The following PRKD1 variants were observed in gnomAD, a reference collection of about 807,000 sequenced individuals.
PRKD1 encodes the protein serine/threonine-protein kinase D1.
PRKD1 carries 63 observed loss-of-function variants against 95.9 expected under a neutral mutation model. The ratio of observed to expected loss-of-function variants is 0.66; its 90% CI spans 0.54 to 0.81. The LOEUF is 0.81. PRKD1 is among the 30% of genes least tolerant of loss of function. The pLI, the probability that PRKD1 is intolerant of heterozygous loss-of-function variation, is 0.00. For synonymous variants in PRKD1, 425 were observed against 423.1 expected (o/e 1.00, Z -0.05); for missense variants, 1,048 against 1,165.3 (o/e 0.90, Z 1.47).
chr14:29,697,353 C>T (rs1884582484), intron 2 of PRKD1, among the ~76,000 whole-genome samples: 1 of 152,090 alleles, frequency 6.6e-6, no homozygotes. Context: ...ACTCAGAGAG[C>T]AAATAACAGC....
intron 2 of PRKD1, among the ~76,000 whole-genome samples, chr14:29,710,448 T>A (rs1021857158): frequency 6.6e-6 from 1 of 152,094 alleles, no homozygotes; most frequent in Non-Finnish European, 1.5e-5. Context: ...CTAGTTTAAT[T>A]ATGAGAAAGA....
At chr14:29,611,077 A>T (rs932520835) in intron 13 of PRKD1, among the ~76,000 whole-genome samples, 10 of 152,368 alleles carry the variant, frequency 6.6e-5, no homozygotes, top group Non-Finnish European at 1.0e-4. Flanking sequence ...GGATACATGT[A>T]ATTACACATT....
intron 1 of PRKD1, among the ~76,000 whole-genome samples, chr14:29,731,880 T>TA (rs1037596115): frequency 2.6e-5 from 4 of 151,666 alleles, no homozygotes; most frequent in African/African-American, 9.7e-5. Context: ...TTTTTTTTTT[T>TA]TTTTTTTTTT....
chr14:29,783,955 G>A (rs1481127806), intron 1 of PRKD1, among the ~76,000 whole-genome samples: 3 of 152,200 alleles, frequency 2.0e-5, no homozygotes, highest in Non-Finnish European at 1.5e-5. Flanking sequence ...TCTATTGACT[G>A]TATCCTTTGC....
At chr14:29,778,204 C>A (rs2139159383) in intron 1 of PRKD1, among the ~76,000 whole-genome samples, 1 of 152,212 alleles carries the variant, frequency 6.6e-6, no homozygotes, top group East Asian at 1.9e-4. Context: ...AAAATTGACA[C>A]CCTAACATCA....
At chr14:29,763,466 GGGGAGGGGAGGAGA>G (rs1462511451) in intron 1 of PRKD1, among the ~76,000 whole-genome samples, 8 of 104,956 alleles carry the variant, frequency 7.6e-5, no homozygotes, top group Admixed American at 7.2e-4. Context: ...AAGGAGGGAA[GGGGAGGGGAGGAGA>G]GGGAGGAAGG....
intron 1 of PRKD1, among the ~76,000 whole-genome samples, chr14:29,856,345 CA>C (rs1892501244): frequency 6.6e-6 from 1 of 152,122 alleles, no homozygotes; most frequent in Non-Finnish European, 1.5e-5. Context: ...AAAATTAATG[CA>C]GCCAATTGTT....
At chr14:29,896,253 T>C (rs1183164453) in intron 1 of PRKD1, among the ~76,000 whole-genome samples, 2 of 152,162 alleles carry the variant, frequency 1.3e-5, no homozygotes, top group African/African-American at 2.4e-5. Flanking sequence ...GTAATTAATA[T>C]ATGACACCAG....
chr14:29,641,572 C>T (rs1177778691), intron 4 of PRKD1, among the ~76,000 whole-genome samples: 3 of 152,070 alleles, frequency 2.0e-5, no homozygotes, highest in African/African-American at 7.2e-5. Context: ...TTTCAGTATT[C>T]AATTCTATGT....
In PRKD1 at chr14:29,859,197, C is replaced by T. The variant is rs533775836; in HGVS notation, c.264+68052G>A. Among the ~76,000 whole-genome samples, 4 of 152,314 alleles carry T rather than the reference C, an allele frequency of 2.6e-5. No homozygotes were observed. The East Asian group carries it at 7.7e-4, about 29-fold the overall frequency. On this transcript the variant is annotated intron_variant, in intron 1 of 17. Coordinates refer to ENST00000331968, the MANE Select transcript of PRKD1 (RefSeq NM_002742.3). ...TTTAAAAATCTGACAGTAAGCTGGG[C>T]GCCGTGGCTTATGCCTGTAATCCCA...
chr14:29,877,194 G>C (rs1190917651), intron 1 of PRKD1, among the ~76,000 whole-genome samples: 2 of 152,162 alleles, frequency 1.3e-5, no homozygotes, highest in South Asian at 4.1e-4. Flanking sequence ...CACTACAACA[G>C]AGAATAACAA....
At chr14:29,890,334 TAAA>T (rs1893895412) in intron 1 of PRKD1, among the ~76,000 whole-genome samples, 1 of 152,174 alleles carries the variant, frequency 6.6e-6, no homozygotes, top group African/African-American at 2.4e-5. Context: ...CTTCATCAAA[TAAA>T]TAATTTCTAT....
At chr14:29,597,253 T>A (rs1380795095) in intron 16 of PRKD1, among the ~76,000 whole-genome samples, 1 of 152,180 alleles carries the variant, frequency 6.6e-6, no homozygotes, top group Non-Finnish European at 1.5e-5. Flanking sequence ...TAAGTTCTAA[T>A]GAAATGTACC....
intron 1 of PRKD1, among the ~76,000 whole-genome samples, chr14:29,841,457 T>A (rs752672488): frequency 6.6e-6 from 1 of 152,176 alleles, no homozygotes; most frequent in Non-Finnish European, 1.5e-5. Context: ...GGTTACTGAA[T>A]CATGAGGGTG....
chr14:29,884,863 C>T (rs1893640012), intron 1 of PRKD1, among the ~76,000 whole-genome samples: 1 of 152,216 alleles, frequency 6.6e-6, no homozygotes, highest in Non-Finnish European at 1.5e-5. Flanking sequence ...TGGCTCACGC[C>T]TGTAATCCCA....
chr14:29,926,863 T>C (rs941373356), intron 1 of PRKD1, among the ~76,000 whole-genome samples: 1 of 151,918 alleles, frequency 6.6e-6, no homozygotes, highest in East Asian at 2.0e-4. Context: ...GGAGGATTCC[T>C]GCACCAGGAA....
intron 13 of PRKD1, among the ~76,000 whole-genome samples, chr14:29,615,932 G>A (rs1346587968): frequency 6.6e-6 from 1 of 152,170 alleles, no homozygotes; most frequent in Non-Finnish European, 1.5e-5. Context: ...GGTTTCGGGT[G>A]AGGGCAGTAC....
intron 4 of PRKD1, among the ~76,000 whole-genome samples, chr14:29,639,509 C>T (rs568383367): frequency 6.6e-6 from 1 of 152,042 alleles, no homozygotes; most frequent in Non-Finnish European, 1.5e-5. Flanking sequence ...ATCCCAGCTA[C>T]TCGGTATGCT....
chr14:29,775,966 GC>G (rs1401196960), intron 1 of PRKD1, among the ~76,000 whole-genome samples: 5 of 152,068 alleles, frequency 3.3e-5, no homozygotes, highest in Non-Finnish European at 7.4e-5. Flanking sequence ...GAACAATCAG[GC>G]AGCAACATTG....
Sources: gnomAD v4.1 joint callset for allele counts (sites outside exome capture counted in the v4.1 genomes callset) on GRCh38, gnomAD v4.1.1 for gene constraint, MANE v1.5 for transcripts, NCBI Gene and HGNC (gene_info 2026-07-23, HGNC 2026-07-21) for gene names.